The following PARPBP variants were observed in gnomAD, a reference collection of about 807,000 sequenced individuals.
The protein encoded by PARPBP is PARP1 binding protein.
Under a neutral mutation model 50.0 loss-of-function variants are expected in PARPBP, and 52 were observed. That is an observed-to-expected ratio of 1.04 (90% CI 0.83 to 1.31). The LOEUF (loss-of-function observed/expected upper bound fraction) is 1.31, where lower values mean the gene tolerates loss of function less well. PARPBP is among the 50% of genes most tolerant of loss of function. The pLI is 0.00. For missense variants in PARPBP, 697 were observed against 672.0 expected (o/e 1.04, Z -0.41); for synonymous variants, 244 against 232.1 (o/e 1.05, Z -0.47).
intron 9 of PARPBP, among the ~76,000 whole-genome samples, chr12:102,193,984 A>C (rs1282612739): frequency 6.6e-6 from 1 of 152,064 alleles, no homozygotes; most frequent in South Asian, 2.1e-4. Flanking sequence ...ATGTAAGCAC[A>C]TGAAACATAA....
At chr12:102,141,052 CTT>C (rs1375472029) in intron 2 of PARPBP, among the ~76,000 whole-genome samples, 2 of 152,174 alleles carry the variant, frequency 1.3e-5, no homozygotes. Flanking sequence ...AACTTTCTGT[CTT>C]GTTGATCTAT....
intron 2 of PARPBP, among the ~76,000 whole-genome samples, chr12:102,133,903 T>A (rs1331321958): frequency 1.3e-5 from 2 of 151,774 alleles, no homozygotes; most frequent in Non-Finnish European, 2.9e-5. Context: ...AAAGGAAATT[T>A]AAAAAAACCT....
At chr12:102,183,879 A>T (rs1362309899) in intron 9 of PARPBP, among the ~76,000 whole-genome samples, 1 of 151,984 alleles carries the variant, frequency 6.6e-6, no homozygotes, top group Non-Finnish European at 1.5e-5. Context: ...GTTCGAGACC[A>T]GCCTGGCCAA....
intron 2 of PARPBP, among the ~76,000 whole-genome samples, chr12:102,130,528 TAGAC>T (rs1266154148): frequency 2.0e-5 from 3 of 151,908 alleles, no homozygotes; most frequent in Admixed American, 6.6e-5. Flanking sequence ...ATAAAGAACT[TAGAC>T]AGATTTACAA....
At chr12:102,194,944 A>G (rs1047803031) in intron 9 of PARPBP, among the ~76,000 whole-genome samples, 6 of 151,284 alleles carry the variant, frequency 4.0e-5, no homozygotes, top group South Asian at 2.1e-4. Flanking sequence ...GTATTTTTCT[A>G]TGATTATGTA....
chr12:102,196,530 C>A lies in PARPBP; in HGVS notation c.*239C>A. On this transcript the variant is annotated 3_prime_UTR_variant, in exon 11 of 11. Transcript: ENST00000327680. ...TTTCAGTTACTGATACATCTTAACA[C>A]TACTTTCTTTTAAAACAGACATTTA... 1.2e-6 allele frequency: 1 copy of A among 817,284 alleles called. No individual in the cohort carries two copies. The highest frequency in any genetic ancestry group is 1.5e-5 in the South Asian group (1 of 67,602). 50.6% of individuals were successfully genotyped at this position (817,284 alleles called of 1,614,324 possible).
At chr12:102,176,301 T>A (rs1889275896) in intron 7 of PARPBP, among the ~76,000 whole-genome samples, 2 of 152,166 alleles carry the variant, frequency 1.3e-5, no homozygotes, top group South Asian at 4.1e-4. Flanking sequence ...TCATAAACAA[T>A]TACTTTCCCA....
In PARPBP at chr12:102,196,800, TA is replaced by T; in HGVS notation, c.*512del. On this transcript the variant is annotated 3_prime_UTR_variant, in exon 11 of 11. Transcript: ENST00000327680. Reference sequence around the variant, plus strand: ...TGGATCTAGTATAACTAATTCTGAGTAAACCAAAATGATAATAATTAATTGT... The same window carrying T: ...TGGATCTAGTATAACTAATTCTGAGTAACCAAAATGATAATAATTAATTGT... 1 of 1,109,170 alleles carries T rather than the reference TA, an allele frequency of 9.0e-7. No individual in the cohort carries two copies. Among genetic ancestry groups the T allele is most frequent in the Non-Finnish European group, 1.4e-6 (1 of 739,356 alleles). 68.7% of individuals were successfully genotyped at this position (1,109,170 alleles called of 1,614,324 possible).
intron 6 of PARPBP, among the ~76,000 whole-genome samples, chr12:102,171,341 TGA>T (rs1269537692): frequency 2.0e-5 from 3 of 152,138 alleles, no homozygotes; most frequent in Non-Finnish European, 4.4e-5. Context: ...CACAAACATG[TGA>T]GTGATGTGTT....
chr12:102,170,819 A>C (rs1357673006), intron 6 of PARPBP, among the ~76,000 whole-genome samples: 1 of 151,714 alleles, frequency 6.6e-6, no homozygotes, highest in Non-Finnish European at 1.5e-5. Context: ...AGTAACACTT[A>C]GCTTAAAACA....
At chr12:102,163,118 CT>C (rs1565884555) in intron 4 of PARPBP, among the ~76,000 whole-genome samples, 1 of 152,162 alleles carries the variant, frequency 6.6e-6, no homozygotes, top group African/African-American at 2.4e-5. Context: ...ACTGTCTTTT[CT>C]TCATTGTTCC....
At chr12:102,159,648 A>C (rs1318407790) in intron 4 of PARPBP, among the ~76,000 whole-genome samples, 4 of 152,154 alleles carry the variant, frequency 2.6e-5, no homozygotes, top group African/African-American at 9.7e-5. Context: ...TTCTGAAGTA[A>C]TGAAGGGAAT....
chr12:102,192,618 G>A (rs1474854144), intron 9 of PARPBP, among the ~76,000 whole-genome samples: 1 of 151,970 alleles, frequency 6.6e-6, no homozygotes, highest in Non-Finnish European at 1.5e-5. Context: ...TTAAATACTG[G>A]ACTTTGTTTA....
chr12:102,137,753 C>T (rs143942979), intron 2 of PARPBP, among the ~76,000 whole-genome samples: 4 of 151,860 alleles, frequency 2.6e-5, no homozygotes, highest in South Asian at 2.1e-4. Context: ...GATCATGCAG[C>T]GTTTGGTTTT....
chr12:102,186,290 T>C (rs1890296309), intron 9 of PARPBP, among the ~76,000 whole-genome samples: 1 of 152,096 alleles, frequency 6.6e-6, no homozygotes, highest in Non-Finnish European at 1.5e-5. Context: ...TATTTTGTGT[T>C]GTTTTCTTGG....
At chr12:102,141,038 T>C (rs1287879880) in intron 2 of PARPBP, among the ~76,000 whole-genome samples, 1 of 152,210 alleles carries the variant, frequency 6.6e-6, no homozygotes, top group Non-Finnish European at 1.5e-5. Flanking sequence ...TGGATATCCT[T>C]ATTAACTTTC....
At chr12:102,178,343 A>G (rs974486881) in intron 7 of PARPBP, among the ~76,000 whole-genome samples, 1 of 152,188 alleles carries the variant, frequency 6.6e-6, no homozygotes. Flanking sequence ...TCAAAGCCTA[A>G]TGTTATTTTG....
At chr12:102,133,317 T>C (rs538918476) in intron 2 of PARPBP, among the ~76,000 whole-genome samples, 1 of 152,310 alleles carries the variant, frequency 6.6e-6, no homozygotes, top group South Asian at 2.1e-4. Flanking sequence ...TTGAAGTATT[T>C]TTTTATATCT....
intron 3 of PARPBP, chr12:102,150,134 T>C (rs1885992402): frequency 6.9e-5 from 29 of 422,318 alleles, no homozygotes; most frequent in South Asian, 5.1e-4. Flanking sequence ...GGATACTCTC[T>C]CCAAATGTCA....
Sources: gnomAD v4.1 joint callset for allele counts (sites outside exome capture counted in the v4.1 genomes callset) on GRCh38, gnomAD v4.1.1 for gene constraint, MANE v1.5 for transcripts, NCBI Gene and HGNC (gene_info 2026-07-23, HGNC 2026-07-21) for gene names.